Variants in SDAD1 observed in about 807,000 individuals in gnomAD.
SDAD1 encodes SDA1 domain containing 1, also known as protein SDA1 homolog.
Under a neutral mutation model 100.3 loss-of-function variants are expected in SDAD1, and 79 were observed. That is an observed-to-expected ratio of 0.79 (90% confidence interval 0.66 to 0.95). The LOEUF (loss-of-function observed/expected upper bound fraction) is 0.95, where lower values mean the gene tolerates loss of function less well. SDAD1 is among the 40% of genes least tolerant of loss of function. The pLI, the probability that SDAD1 is intolerant of heterozygous loss-of-function variation, is 0.00. For synonymous variants in SDAD1, 267 were observed against 271.4 expected (o/e 0.98, Z 0.16); for missense variants, 790 against 810.9 (o/e 0.97, Z 0.31).
At chr4:75,982,952 C>G (rs189709258) in intron 1 of SDAD1, among the ~76,000 whole-genome samples, 1 of 152,116 alleles carries the variant, frequency 6.6e-6, no homozygotes, top group Non-Finnish European at 1.5e-5. Context: ...CCTAGCCCCC[C>G]ACCCCAACAG....
At chr4:75,985,710 T>G (rs889582798) in intron 1 of SDAD1, among the ~76,000 whole-genome samples, 1 of 152,194 alleles carries the variant, frequency 6.6e-6, no homozygotes, top group East Asian at 1.9e-4. Flanking sequence ...TTGAACTTAC[T>G]GTATCTTAGC....
intron 8 of SDAD1, among the ~76,000 whole-genome samples, chr4:75,972,960 G>GC (rs1729952667): frequency 6.6e-6 from 1 of 152,076 alleles, no homozygotes; most frequent in South Asian, 2.1e-4. Flanking sequence ...GGCAGAGCTT[G>GC]CAGTGAGCTG....
At chr4:75,955,135 C>T (rs1728818922) in intron 21 of SDAD1, among the ~76,000 whole-genome samples, 1 of 152,156 alleles carries the variant, frequency 6.6e-6, no homozygotes, top group African/African-American at 2.4e-5. Context: ...TGCTGATGCA[C>T]ACACTATATT....
chr4:75,985,303 A>T (rs918754614), intron 1 of SDAD1, among the ~76,000 whole-genome samples: 9 of 152,122 alleles, frequency 5.9e-5, no homozygotes, highest in African/African-American at 1.7e-4. Flanking sequence ...TAAATCAAAC[A>T]GCCCAGTCAT....
chr4:75,953,255 A>G (rs1322943876), intron 21 of SDAD1, among the ~76,000 whole-genome samples: 1 of 152,232 alleles, frequency 6.6e-6, no homozygotes, highest in East Asian at 1.9e-4. Flanking sequence ...CTTGAAAGGA[A>G]CAAAGCTGGG....
intron 17 of SDAD1, among the ~76,000 whole-genome samples, chr4:75,959,608 A>G (rs547128162): frequency 3.3e-5 from 5 of 152,230 alleles, no homozygotes; most frequent in African/African-American, 1.2e-4. Flanking sequence ...ACGTGAGGAA[A>G]AAAAAAAAAG....
intron 17 of SDAD1, among the ~76,000 whole-genome samples, chr4:75,958,878 A>C (rs1729057926): frequency 6.6e-6 from 1 of 151,518 alleles, no homozygotes; most frequent in East Asian, 1.9e-4. Flanking sequence ...CGGGCGGATC[A>C]CAAGGTCAGG....
intron 21 of SDAD1, among the ~76,000 whole-genome samples, chr4:75,951,430 A>G (rs892378374): frequency 6.6e-6 from 1 of 152,214 alleles, no homozygotes; most frequent in Non-Finnish European, 1.5e-5. Context: ...TGAAGCCCTG[A>G]CAATTGTAGC....
chr4:75,961,888 CT>C (rs1006325329), intron 14 of SDAD1, among the ~76,000 whole-genome samples: 2 of 148,736 alleles, frequency 1.3e-5, no homozygotes, highest in African/African-American at 4.9e-5. Flanking sequence ...AGAGGAGAGA[CT>C]TTTTTTTCAC....
chr4:75,950,778 A>G lies in SDAD1; in HGVS notation c.2036T>C (p.Leu679Pro), dbSNP rs780699383. 4 of 1,592,678 alleles carry G rather than the reference A, an allele frequency of 2.5e-6. No homozygotes were observed. The highest frequency in any genetic ancestry group is 2.6e-6 in the Non-Finnish European group (3 of 1,163,134). ...REKQLALRDA[L>P]LKKRKRMK ...CTTCATTCTTTTTCTCTTTTTCAAA[A>G]GTGCATCTCGTAGTGCCAACTGTAA... Residue 679 changes from leucine to proline, a missense_variant, in exon 22 of 22, where the codon CTT becomes CCT. Physicochemically the swap from Leu to Pro is moderately conservative, Grantham distance 98 (BLOSUM62 -3). Coordinates refer to ENST00000356260, the MANE Select transcript of SDAD1 (RefSeq NM_018115.4).
intron 21 of SDAD1, 35 bp downstream of exon 21, chr4:75,955,940 C>CTGTT (rs1225544667): frequency 1.3e-6 from 2 of 1,569,464 alleles, no homozygotes; most frequent in East Asian, 4.5e-5. Flanking sequence ...AATTACAGTG[C>CTGTT]TGTTCTTGCC....
intron 13 of SDAD1, among the ~76,000 whole-genome samples, chr4:75,965,377 A>G (rs1039241056): frequency 5.9e-5 from 9 of 152,110 alleles, no homozygotes; most frequent in African/African-American, 1.9e-4. Flanking sequence ...TTCATTAGCA[A>G]TTTTAATTTC....
At position 75,973,359 on chromosome 4, in the gene SDAD1, C is replaced by G; in HGVS notation, c.669G>C (p.Gly223=). 1 of 1,613,676 alleles carries G rather than the reference C, an allele frequency of 6.2e-7. No homozygotes were observed. The part of the protein sequence containing the change: ...ILVAALTFFL[G]KDEDEKQDSD... ...TGTCCTGTTTTTCATCTTCATCTTT[C>G]CCAAGAAAGAATGTCAAAGCGGCAA... is the stretch of plus-strand genomic sequence containing the variant. Residue 223 remains glycine, a synonymous_variant, in exon 8 of 22, where the codon GGG becomes GGC. Transcript: ENST00000356260.
intron 1 of SDAD1, among the ~76,000 whole-genome samples, chr4:75,985,445 G>T (rs893545501): frequency 6.6e-6 from 1 of 151,534 alleles, no homozygotes; most frequent in African/African-American, 2.4e-5. Context: ...TATCCCTCCA[G>T]ATTAATATCC....
intron 9 of SDAD1, among the ~76,000 whole-genome samples, chr4:75,970,754 A>G (rs886808639): frequency 7.2e-5 from 11 of 152,156 alleles, no homozygotes; most frequent in Non-Finnish European, 1.2e-4. Flanking sequence ...TCCCCATGCT[A>G]TTCTCGTGAT....
At chr4:75,959,606 A>T (rs1022691229) in intron 17 of SDAD1, among the ~76,000 whole-genome samples, 2 of 146,820 alleles carry the variant, frequency 1.4e-5, no homozygotes, top group African/African-American at 5.0e-5. Flanking sequence ...CAACGTGAGG[A>T]AAAAAAAAAA....
chr4:75,989,989 C>A (rs1731144436), intron 1 of SDAD1, among the ~76,000 whole-genome samples: 1 of 152,196 alleles, frequency 6.6e-6, no homozygotes, highest in Middle Eastern at 3.2e-3. Flanking sequence ...AGCAGAGATA[C>A]CTGTTTAATG....
intron 7 of SDAD1, among the ~76,000 whole-genome samples, chr4:75,973,755 G>C (rs1353715610): frequency 6.6e-6 from 1 of 152,034 alleles, no homozygotes; most frequent in Non-Finnish European, 1.5e-5. Context: ...AATCACAGGA[G>C]AAAACAGTAA....
Position 75,960,780 on chromosome 4 carries a change from A to T in SDAD1, c.1356+248T>A, listed in dbSNP as rs1380277918. Among the ~76,000 whole-genome samples the T allele has an allele frequency of 3.3e-5, 5 of 152,226 alleles. No individual in the cohort carries two copies. The East Asian group carries it at 9.6e-4, about 29-fold the overall frequency. ...TTTGAGATTCCGATCTGTTAATAAC[A>T]TTAAAAGCTTTCAAGCTGAAACAGC... On this transcript the variant is annotated intron_variant, in intron 16 of 21. Transcript: ENST00000356260.
Sources: gnomAD v4.1 joint callset for allele counts (sites outside exome capture counted in the v4.1 genomes callset) on GRCh38, gnomAD v4.1.1 for gene constraint, MANE v1.5 for transcripts, NCBI Gene and HGNC (gene_info 2026-07-23, HGNC 2026-07-21) for gene names.